TRPC5OS: variants seen among roughly 807,000 people sequenced by gnomAD.
TRPC5OS encodes TRPC5 opposite strand.
For missense variants in TRPC5OS, 64 were observed against 79.3 expected (o/e 0.81, Z 0.73); for synonymous variants, 30 against 29.3 (o/e 1.02, Z -0.08).
At position 111,901,576 on chromosome X, in the gene TRPC5OS, G is replaced by A. The variant is rs1247143593; in HGVS notation, c.-274G>A. 4 of 207,593 alleles carry A rather than the reference G, an allele frequency of 1.9e-5. No individual in the cohort carries two copies. Among genetic ancestry groups the A allele is most frequent in the South Asian group, 2.3e-4 (1 of 4,407 alleles). 17.1% of individuals were successfully genotyped at this position (207,593 alleles called of 1,213,427 possible). On this transcript the variant is annotated 5_prime_UTR_variant, in exon 4 of 4. Transcript: ENST00000635763. ...TGTTTTCTCTTGGCTGTGACAGTCC[G>A]CCTGATGGTCATTATAACAGCAGTT...
chrX:111,901,976 A>C lies in TRPC5OS; in HGVS notation c.127A>C (p.Asn43His). ...ACAAGAAGTTCCTTATGTAGAAGAA[A>C]ATGGTAGAGCAGAAGAGACTGAAGC... ...QVQEVPYVEE[N>H]GRAEETEADA... Residue 43 changes from asparagine (N) to histidine (H), a missense_variant, in exon 4 of 4, where the codon AAT (asparagine) becomes CAT (histidine). Coordinates refer to ENST00000635763, the MANE Select transcript of TRPC5OS (RefSeq NM_001195578.2). 8.7e-7 allele frequency: 1 copy of C among 1,155,635 alleles called. No individual in the cohort carries two copies.
intron 1 of TRPC5OS, among the ~76,000 whole-genome samples, chrX:111,894,324 A>G (rs10521536): frequency 0.17 from 18,520 of 111,472 alleles, 2,797 homozygotes; most frequent in African/African-American, 0.49. Context: ...CAAAATTGCC[A>G]GGTAGGACTT....
chrX:111,901,604 C>T lies in TRPC5OS; in HGVS notation c.-246C>T. 1 of 260,393 alleles carries T rather than the reference C, an allele frequency of 3.8e-6. No individual in the cohort carries two copies. The highest frequency in any genetic ancestry group is 6.8e-6 in the Non-Finnish European group (1 of 147,715). The allele number at this position is 260,393 out of a possible 1,213,427, so 21.5% of individuals were successfully genotyped here. A position where few individuals can be genotyped will look rare whatever the true frequency, so the allele number is the denominator to read the frequency against. On this transcript the variant is annotated 5_prime_UTR_variant, in exon 4 of 4. Transcript: ENST00000635763. Reference sequence around the variant, plus strand: ...TGATGGTCATTATAACAGCAGTTCACCATTAGTACAAACAAGAGTACCATA... The same window carrying T: ...TGATGGTCATTATAACAGCAGTTCATCATTAGTACAAACAAGAGTACCATA...
At chrX:111,882,911 C>T (rs1313284304) in intron 1 of TRPC5OS, among the ~76,000 whole-genome samples, 2 of 111,181 alleles carry the variant, frequency 1.8e-5, no homozygotes, top group African/African-American at 6.6e-5. Flanking sequence ...CATGGTGAAA[C>T]CCCGTCTCTA....
At position 111,903,022 on chromosome X, in the gene TRPC5OS, T is replaced by TA. The variant is rs1925430620; in HGVS notation, c.*838dup. 1 of 111,992 alleles carries TA rather than the reference T, an allele frequency of 8.9e-6. No homozygotes were observed. The highest frequency in any genetic ancestry group is 9.5e-5 in the Admixed American group (1 of 10,538). 9.2% of individuals were successfully genotyped at this position (111,992 alleles called of 1,213,427 possible). A position where few individuals can be genotyped will look rare whatever the true frequency, so the allele number is the denominator to read the frequency against. ...TTGGACTAAATATCTATGGACTAGA[T>TA]ATAGTCCTTAGGCATCAAAGCAGGA... On this transcript the variant is annotated 3_prime_UTR_variant, in exon 4 of 4. Coordinates refer to ENST00000635763, the MANE Select transcript of TRPC5OS (RefSeq NM_001195578.2).
chrX:111,894,421 A>G (rs1017155151), intron 1 of TRPC5OS, among the ~76,000 whole-genome samples: 3 of 112,088 alleles, frequency 2.7e-5, no homozygotes, highest in African/African-American at 9.7e-5. Context: ...AATGGGGTCA[A>G]AGATCTCAGT....
intron 1 of TRPC5OS, among the ~76,000 whole-genome samples, chrX:111,880,456 A>T (rs1924157068): frequency 8.9e-6 from 1 of 112,543 alleles, no homozygotes; most frequent in Non-Finnish European, 1.9e-5. Context: ...TCCCACAGCC[A>T]CAGGCCCTGT....
chrX:111,890,587 G>C (rs1045871546), intron 1 of TRPC5OS, among the ~76,000 whole-genome samples: 2 of 111,737 alleles, frequency 1.8e-5, no homozygotes, highest in Non-Finnish European at 3.8e-5. Context: ...TTGTGTTCTT[G>C]CTGATATCTT....
intron 3 of TRPC5OS, among the ~76,000 whole-genome samples, chrX:111,898,251 T>TTA (rs58112324): frequency 0.065 from 5,998 of 92,191 alleles, 218 homozygotes; most frequent in Non-Finnish European, 0.097. Context: ...GTAGGGGTTC[T>TTA]TATATATATA....
At chrX:111,890,682 C>T (rs886210255) in intron 1 of TRPC5OS, among the ~76,000 whole-genome samples, 24 of 111,646 alleles carry the variant, frequency 2.1e-4, no homozygotes, top group Middle Eastern at 4.6e-3. Flanking sequence ...GCCAAGAATC[C>T]GAAGAATCAG....
chrX:111,886,219 G>T (rs1176650554), intron 1 of TRPC5OS, among the ~76,000 whole-genome samples: 3 of 112,380 alleles, frequency 2.7e-5, no homozygotes, highest in African/African-American at 9.7e-5. Flanking sequence ...GGTGGAGGTT[G>T]CAGTGAGCCA....
Position 111,903,506 on chromosome X carries a change from C to T in TRPC5OS, c.*1321C>T, listed in dbSNP as rs938567824. ...GATGTTGCTATAAACAGCTGGTAGGCGATTGACATAAGTCATGTATCTGAA... is the reference window on the plus strand; with the variant it reads ...GATGTTGCTATAAACAGCTGGTAGGTGATTGACATAAGTCATGTATCTGAA... On this transcript the variant is annotated 3_prime_UTR_variant, in exon 4 of 4. Coordinates refer to ENST00000635763, the MANE Select transcript of TRPC5OS (RefSeq NM_001195578.2). 1 of 112,001 alleles carries T rather than the reference C, an allele frequency of 8.9e-6. No homozygotes were observed. The highest frequency in any genetic ancestry group is 1.9e-5 in the Non-Finnish European group (1 of 53,171). The allele number at this position is 112,001 out of a possible 1,213,427, so 9.2% of individuals were successfully genotyped here.
intron 3 of TRPC5OS, among the ~76,000 whole-genome samples, chrX:111,900,553 C>T (rs751279986): frequency 6.2e-4 from 69 of 111,456 alleles, no homozygotes; most frequent in South Asian, 1.9e-3. Context: ...GCAGAATAAT[C>T]TATTTGGAAT....
chrX:111,877,484 A>G (rs1046573455), intron 1 of TRPC5OS, among the ~76,000 whole-genome samples: 4 of 110,778 alleles, frequency 3.6e-5, no homozygotes, highest in Non-Finnish European at 7.6e-5. Context: ...GTCCTGGGTA[A>G]ACCTCAAGTT....
Position 111,887,276 on chromosome X carries a change from A to C in TRPC5OS, c.-545-8675A>C, listed in dbSNP as rs145910888. Among the ~76,000 whole-genome samples the C allele has an allele frequency of 2.5e-3, 278 of 112,737 alleles. 3 individuals are homozygous for C. The highest frequency in any genetic ancestry group is 8.4e-4 in the Non-Finnish European group (45 of 53,359). On this transcript the variant is annotated intron_variant, in intron 1 of 3. Transcript: ENST00000635763. ...TAATTTATTCCACTAAGTAGATGGG[A>C]TATTCAAATGTTGCTTTCTTTCTTT...
chrX:111,898,999 G>A (rs1925208982), intron 3 of TRPC5OS, among the ~76,000 whole-genome samples: 1 of 110,370 alleles, frequency 9.1e-6, no homozygotes, highest in Admixed American at 9.7e-5. Flanking sequence ...TCCAGAGTTG[G>A]TTGCTTTGGA....
At chrX:111,881,562 A>C (rs1924224816) in intron 1 of TRPC5OS, among the ~76,000 whole-genome samples, 1 of 111,574 alleles carries the variant, frequency 9.0e-6, no homozygotes, top group Non-Finnish European at 1.9e-5. Flanking sequence ...TGGCAGAAAT[A>C]AAAATATACT....
intron 1 of TRPC5OS, chrX:111,882,055 C>T (rs926938024): frequency 9.2e-6 from 1 of 108,880 alleles, no homozygotes; most frequent in Non-Finnish European, 1.9e-5. Context: ...GCCAATTGCA[C>T]ATTATGGGCA....
At chrX:111,899,606 G>A (rs1368572608) in intron 3 of TRPC5OS, among the ~76,000 whole-genome samples, 1 of 111,037 alleles carries the variant, frequency 9.0e-6, no homozygotes, top group Non-Finnish European at 1.9e-5. Flanking sequence ...AAGTTAAATA[G>A]GTTTTGTGTG....
Sources: gnomAD v4.1 joint callset for allele counts (sites outside exome capture counted in the v4.1 genomes callset) on GRCh38, gnomAD v4.1.1 for gene constraint, MANE v1.5 for transcripts, NCBI Gene and HGNC (gene_info 2026-07-23, HGNC 2026-07-21) for gene names.